Variants in PALLD observed in about 807,000 individuals in gnomAD.
PALLD encodes palladin, cytoskeletal associated protein, also known as palladin.
A neutral mutation model predicts 123.5 loss-of-function variants in PALLD; 61 were observed. The ratio of observed to expected loss-of-function variants is 0.49; its 90% CI spans 0.40 to 0.61. The LOEUF (loss-of-function observed/expected upper bound fraction) is 0.61. PALLD is among the 20% of genes least tolerant of loss of function. PALLD has a pLI of 0.00. For synonymous variants in PALLD, 465 were observed against 496.4 expected, an observed-to-expected ratio of 0.94 and a Z score of 0.84; for missense variants, 1,273 against 1,377.0, an observed-to-expected ratio of 0.92 and a Z score of 1.20.
intron 10 of PALLD, among the ~76,000 whole-genome samples, chr4:168,749,115 C>T (rs1309256328): frequency 2.0e-5 from 3 of 152,018 alleles, no homozygotes; most frequent in Non-Finnish European, 2.9e-5. Flanking sequence ...AGTGAGTTCT[C>T]GTTAAAAGTG....
In PALLD at chr4:168,894,653, G is replaced by A. The variant is rs762267147; in HGVS notation, c.2175G>A (p.Glu725=). 4 of 1,613,440 alleles carry A rather than the reference G, an allele frequency of 2.5e-6. No individual in the cohort carries two copies. In the Admixed American group the frequency reaches 6.7e-5, roughly 27 times the overall value. Reference sequence around the variant, plus strand: ...GTGCAACTGTCTTTAATATTCAGGAGCCAGAAGAGGAAACAGCTAATCAGG... The same window carrying A: ...GTGCAACTGTCTTTAATATTCAGGAACCAGAAGAGGAAACAGCTAATCAGG... ...ADSATVFNIQ[E]PEEETANQDI... The change falls in exon 12 of 22, where the codon GAG becomes GAA. Residue 725 remains glutamate, a synonymous_variant. Coordinates refer to ENST00000505667, the MANE Select transcript of PALLD (RefSeq NM_001166108.2).
At chr4:168,508,125 T>G (rs1762183057) in intron 1 of PALLD, among the ~76,000 whole-genome samples, 1 of 152,148 alleles carries the variant, frequency 6.6e-6, no homozygotes, top group Non-Finnish European at 1.5e-5. Context: ...TAGTTTCAAA[T>G]GGCTAGAAGG....
At chr4:168,737,874 G>C (rs184726099) in intron 10 of PALLD, among the ~76,000 whole-genome samples, 2 of 152,230 alleles carry the variant, frequency 1.3e-5, no homozygotes, top group Non-Finnish European at 2.9e-5. Flanking sequence ...TTGCTGAGAT[G>C]CTGTGGCAGT....
At chr4:168,860,912 AAACAC>A (rs796222361) in intron 10 of PALLD, among the ~76,000 whole-genome samples, 4 of 152,346 alleles carry the variant, frequency 2.6e-5, no homozygotes, top group African/African-American at 9.6e-5. Context: ...CATTATTTGA[AAACAC>A]AATGCCCAAA....
chr4:168,867,921 A>G (rs574789655), intron 10 of PALLD, among the ~76,000 whole-genome samples: 2 of 149,644 alleles, frequency 1.3e-5, no homozygotes, highest in African/African-American at 2.4e-5. Context: ...AAAAAAAAAG[A>G]AAAAAAAAAT....
rs543203537 is a variant in PALLD, at chr4:168,616,370, G to A, written c.909-51820G>A. On this transcript the variant is annotated intron_variant, in intron 2 of 21. Coordinates refer to ENST00000505667, the MANE Select transcript of PALLD (RefSeq NM_001166108.2). The stretch of plus-strand genomic sequence containing the variant: ...ATATAAAAAAGTAATTCAGAGTAGA[G>A]TAGTTCATCAAATTAAAAGACTATT... Among the ~76,000 whole-genome samples the A allele has an allele frequency of 5.3e-5, 8 of 152,272 alleles. No individual in the cohort carries two copies. The South Asian group carries it at 8.3e-4, about 16-fold the overall frequency.
chr4:168,917,256 G>C (rs1760365790), intron 17 of PALLD, among the ~76,000 whole-genome samples: 1 of 151,572 alleles, frequency 6.6e-6, no homozygotes, highest in African/African-American at 2.4e-5. Context: ...CACCATATTG[G>C]CCAGGCTGGT....
intron 10 of PALLD, among the ~76,000 whole-genome samples, chr4:168,876,843 C>T (rs1751811596): frequency 1.3e-5 from 2 of 152,194 alleles, no homozygotes; most frequent in Non-Finnish European, 1.5e-5. Context: ...CTATTGGTCC[C>T]TATGTTTACC....
Position 168,498,590 on chromosome 4 carries a change from G to C in PALLD, c.-83+1396G>C, listed in dbSNP as rs1452223396. The stretch of plus-strand genomic sequence containing the variant: ...AATATGTGTGTGGAGGCTGTCAAAG[G>C]GTATTGCAATTACTGAGCTCCAGTT... On this transcript the variant is annotated intron_variant, in intron 1 of 21. Coordinates refer to ENST00000505667, the MANE Select transcript of PALLD (RefSeq NM_001166108.2). Among the ~76,000 whole-genome samples, 7 of 152,236 alleles carry C rather than the reference G, an allele frequency of 4.6e-5. No homozygotes were observed. In the South Asian group the frequency reaches 6.2e-4, roughly 14 times the overall value.
At chr4:168,850,520 T>TTGC (rs1747590699) in intron 10 of PALLD, among the ~76,000 whole-genome samples, 3 of 119,690 alleles carry the variant, frequency 2.5e-5, no homozygotes, top group Non-Finnish European at 5.2e-5. Flanking sequence ...AAGTCTGTCA[T>TTGC]TTCTTTTTTT....
At chr4:168,602,531 G>A (rs1772770661) in intron 2 of PALLD, among the ~76,000 whole-genome samples, 1 of 152,224 alleles carries the variant, frequency 6.6e-6, no homozygotes, top group South Asian at 2.1e-4. Context: ...TGCCAGGTAT[G>A]AAGGCACAGT....
At chr4:168,920,210 G>A (rs1761164157) in intron 17 of PALLD, among the ~76,000 whole-genome samples, 1 of 152,220 alleles carries the variant, frequency 6.6e-6, no homozygotes, top group South Asian at 2.1e-4. Flanking sequence ...CAAGTGGATA[G>A]ATAGGAGAAC....
chr4:168,590,827 A>C (rs1771322748), intron 2 of PALLD, among the ~76,000 whole-genome samples: 1 of 150,856 alleles, frequency 6.6e-6, no homozygotes, highest in South Asian at 2.1e-4. Flanking sequence ...TAGGTGAAGA[A>C]GAGTATGCCG....
At chr4:168,777,275 G>A (rs1735295402) in intron 10 of PALLD, among the ~76,000 whole-genome samples, 1 of 152,152 alleles carries the variant, frequency 6.6e-6, no homozygotes, top group South Asian at 2.1e-4. Flanking sequence ...GGGATACGGA[G>A]GAGAAGCAGT....
At chr4:168,863,943 G>A (rs1033062319) in intron 10 of PALLD, 4 of 152,052 alleles carry the variant, frequency 2.6e-5, no homozygotes, top group Admixed American at 6.6e-5. Context: ...TTTTCTTTAC[G>A]GGTGGCCACA....
chr4:168,643,267 A>T (rs1035124773), intron 2 of PALLD, among the ~76,000 whole-genome samples: 3 of 152,182 alleles, frequency 2.0e-5, no homozygotes, highest in Non-Finnish European at 4.4e-5. Context: ...TCATATCCGG[A>T]TTGCATTGTC....
At chr4:168,663,636 G>A (rs1779336662) in intron 2 of PALLD, among the ~76,000 whole-genome samples, 1 of 152,070 alleles carries the variant, frequency 6.6e-6, no homozygotes, top group African/African-American at 2.4e-5. Context: ...GTCCCTGCAG[G>A]GTCAGCAATG....
At chr4:168,676,176 T>G (rs1481577217) in intron 3 of PALLD, among the ~76,000 whole-genome samples, 1 of 152,244 alleles carries the variant, frequency 6.6e-6, no homozygotes, top group Non-Finnish European at 1.5e-5. Context: ...TCTACTCTTT[T>G]GAACTTTTTT....
rs1762703790 is a variant in PALLD at position 168,927,445 on chromosome 4, G to A, written c.*1265G>A. The A allele has an allele frequency of 1.3e-5, 3 of 232,876 alleles. No homozygotes were observed. In the East Asian group the frequency reaches 1.8e-4, roughly 14 times the overall value. The allele number at this position is 232,876 out of a possible 1,614,324, so 14.4% of individuals were successfully genotyped here. A position where few individuals can be genotyped will look rare whatever the true frequency, so the allele number is the denominator to read the frequency against. On this transcript the variant is annotated 3_prime_UTR_variant, in exon 22 of 22. Transcript: ENST00000505667. The stretch of plus-strand genomic sequence containing the variant: ...AGATTGCAGTGTGTCTGAGGTTTGT[G>A]TAGTAGTGGAAGATTTTAGGTATGT...
Sources: gnomAD v4.1 joint callset for allele counts (sites outside exome capture counted in the v4.1 genomes callset) on GRCh38, gnomAD v4.1.1 for gene constraint, MANE v1.5 for transcripts, NCBI Gene and HGNC (gene_info 2026-07-23, HGNC 2026-07-21) for gene names.